CDH4: variants seen among roughly 807,000 people sequenced by gnomAD.
The protein encoded by CDH4 is cadherin 4.
In CDH4, 33 loss-of-function variants were observed where a neutral mutation model predicts 86.0. The ratio of observed to expected loss-of-function variants is 0.38; its 90% CI spans 0.29 to 0.51. CDH4 has a LOEUF of 0.51. Among genes scored for constraint, CDH4 ranks in the 20% least tolerant of loss-of-function variants. CDH4 has a pLI of 0.86. For missense variants in CDH4, 1,114 were observed against 1,307.4 expected (o/e 0.85, Z 2.28); for synonymous variants, 555 against 549.4 (o/e 1.01, Z -0.14).
intron 7 of CDH4, among the ~76,000 whole-genome samples, chr20:61,883,043 C>T (rs529297406): frequency 1.2e-4 from 18 of 152,286 alleles, no homozygotes; most frequent in African/African-American, 2.6e-4. Flanking sequence ...AACCCCACCA[C>T]GGTTTCCTGT....
chr20:61,366,810 G>A (rs1479284408), intron 2 of CDH4, among the ~76,000 whole-genome samples: 1 of 152,242 alleles, frequency 6.6e-6, no homozygotes, highest in African/African-American at 2.4e-5. Flanking sequence ...ATGTCTCAGT[G>A]CTGCAGAGAT....
At chr20:61,266,324 G>C (rs2084158042) in intron 2 of CDH4, among the ~76,000 whole-genome samples, 1 of 152,046 alleles carries the variant, frequency 6.6e-6, no homozygotes, top group Non-Finnish European at 1.5e-5. Context: ...CCCCAGGGGA[G>C]GACCTAGCTC....
In CDH4 at chr20:61,934,182, G is replaced by C; in HGVS notation, c.2506G>C (p.Val836Leu). 1.9e-6 allele frequency: 3 copies of C among 1,590,012 alleles called. No individual in the cohort carries two copies. Among genetic ancestry groups the C allele is most frequent in the Non-Finnish European group, 2.6e-6 (3 of 1,164,248 alleles). Residue 836 changes from valine (V) to leucine (L), a missense_variant, in exon 15 of 16, where the codon GTG becomes CTG. Physicochemically the swap from Val to Leu is conservative, Grantham distance 32 (BLOSUM62 1). Transcript: ENST00000614565. Reference protein sequence around the residue: ...AEPQYPIRPMVPHPGDIGDFI... With the variant: ...AEPQYPIRPMLPHPGDIGDFI... ...GCCCCAGTACCCGATCAGGCCCATG[G>C]TGCCGCACCCAGGCGACATCGGTGA...
At chr20:61,493,290 A>G (rs2085638291) in intron 2 of CDH4, among the ~76,000 whole-genome samples, 1 of 152,102 alleles carries the variant, frequency 6.6e-6, no homozygotes, top group Middle Eastern at 3.4e-3. Context: ...ATTTGTTTCC[A>G]TCATATGTGA....
chr20:61,332,064 A>C (rs2084584417), intron 2 of CDH4, among the ~76,000 whole-genome samples: 1 of 152,224 alleles, frequency 6.6e-6, no homozygotes, highest in Non-Finnish European at 1.5e-5. Context: ...CTGAGTGGAC[A>C]GAGGCTGGCT....
intron 8 of CDH4, among the ~76,000 whole-genome samples, chr20:61,906,067 A>G (rs1475559124): frequency 6.6e-6 from 1 of 152,186 alleles, no homozygotes; most frequent in Admixed American, 6.5e-5. Context: ...CGTGGTTACC[A>G]TGCCCAGGCC....
At chr20:61,422,065 C>A (rs2085180602) in intron 2 of CDH4, among the ~76,000 whole-genome samples, 3 of 152,060 alleles carry the variant, frequency 2.0e-5, no homozygotes, top group Admixed American at 2.0e-4. Context: ...AGATGTCAGC[C>A]CCAAACGTGT....
At chr20:61,434,229 A>G (rs192685260) in intron 2 of CDH4, among the ~76,000 whole-genome samples, 27 of 152,236 alleles carry the variant, frequency 1.8e-4, no homozygotes, top group Admixed American at 1.3e-3. Context: ...TGCAGCTCAC[A>G]CCCACCATGG....
At chr20:61,482,867 G>T (rs576423911) in intron 2 of CDH4, among the ~76,000 whole-genome samples, 1 of 152,202 alleles carries the variant, frequency 6.6e-6, no homozygotes, top group Non-Finnish European at 1.5e-5. Flanking sequence ...GAGTGAATCC[G>T]CACGTCCGCC....
rs1319781053 is a variant in CDH4 at position 61,269,105 on chromosome 20, G to T, written c.169+14168G>T. On this transcript the variant is annotated intron_variant, in intron 2 of 15. Transcript: ENST00000614565. This position sits in a 1 kb window ranked among gnomAD's most constrained non-coding sequence, Gnocchi z 5.3. ...GGGGTTAACAGCACCACTGTCTGTT[G>T]TTCTGGTCCACTGATGGAGCCCTCC... 6.6e-6 allele frequency among the ~76,000 whole-genome samples: 1 copy of T among 152,212 alleles called. No individual in the cohort carries two copies. Among genetic ancestry groups the T allele is most frequent in the Non-Finnish European group, 1.5e-5 (1 of 68,038 alleles).
At chr20:61,932,945 C>T (rs1475261548) in intron 13 of CDH4, 40 bp from the exon 14 acceptor site, 1 of 1,597,108 alleles carries the variant, frequency 6.3e-7, no homozygotes, top group Non-Finnish European at 8.6e-7. Context: ...CATGCGCACA[C>T]CCGCAGCACA....
chr20:61,931,279 C>T (rs2055105722), intron 13 of CDH4, among the ~76,000 whole-genome samples: 1 of 152,246 alleles, frequency 6.6e-6, no homozygotes, highest in Non-Finnish European at 1.5e-5. Context: ...CACGGAGCTG[C>T]ACCTGCAGTG....
chr20:61,683,207 C>T (rs1157265594), intron 2 of CDH4, among the ~76,000 whole-genome samples: 3 of 152,200 alleles, frequency 2.0e-5, no homozygotes, highest in African/African-American at 4.8e-5. Flanking sequence ...GTACTCTCCA[C>T]GTCTGTGCAG....
chr20:61,428,830 T>G (rs907625519), intron 2 of CDH4, among the ~76,000 whole-genome samples: 10 of 152,084 alleles, frequency 6.6e-5, no homozygotes, highest in African/African-American at 2.2e-4. Context: ...GAGAGAGAGA[T>G]AGTGAGAGAG....
At chr20:61,532,235 G>A (rs1027204344) in intron 2 of CDH4, among the ~76,000 whole-genome samples, 1 of 152,234 alleles carries the variant, frequency 6.6e-6, no homozygotes, top group Non-Finnish European at 1.5e-5. Context: ...AGCACCGTGA[G>A]TTTGCTGGGT....
intron 2 of CDH4, among the ~76,000 whole-genome samples, chr20:61,715,061 C>A (rs1034552708): frequency 6.6e-6 from 1 of 152,194 alleles, no homozygotes; most frequent in Non-Finnish European, 1.5e-5. Flanking sequence ...ACCACATCCA[C>A]GCCAACATCT....
intron 2 of CDH4, among the ~76,000 whole-genome samples, chr20:61,281,296 G>T (rs1397538421): frequency 2.0e-5 from 3 of 152,172 alleles, no homozygotes; most frequent in Non-Finnish European, 2.9e-5. Flanking sequence ...GAGGTGAGTA[G>T]GTCACGAAGG....
At chr20:61,281,943 T>C (rs1901368237) in intron 2 of CDH4, among the ~76,000 whole-genome samples, 2 of 152,044 alleles carry the variant, frequency 1.3e-5, no homozygotes, top group Non-Finnish European at 2.9e-5. Flanking sequence ...CAAACCGATG[T>C]GAAGGGAGTG....
At chr20:61,538,110 G>A (rs146068236) in intron 2 of CDH4, among the ~76,000 whole-genome samples, 270 of 152,262 alleles carry the variant, frequency 1.8e-3, no homozygotes, top group African/African-American at 6.1e-3. Context: ...GGAGCTGTCC[G>A]AGAGGCCAAG....
Sources: allele counts gnomAD v4.1 joint callset (sites outside exome capture counted in the v4.1 genomes callset), GRCh38; gene constraint gnomAD v4.1.1; non-coding constraint Gnocchi (gnomAD v3.1); transcripts MANE v1.5; gene names NCBI Gene and HGNC (gene_info 2026-07-23, HGNC 2026-07-21).